Variants in TBC1D9B observed in about 807,000 individuals in gnomAD.
The protein encoded by TBC1D9B is TBC1 domain family member 9B.
TBC1D9B carries 87 observed loss-of-function variants against 121.1 expected under a neutral mutation model. The ratio of observed to expected loss-of-function variants is 0.72; its 90% CI spans 0.60 to 0.86. The LOEUF (loss-of-function observed/expected upper bound fraction) is 0.86, where lower values mean the gene tolerates loss of function less well. TBC1D9B is among the 40% of genes least tolerant of loss of function. TBC1D9B has a pLI of 0.00. For missense variants in TBC1D9B, 1,540 were observed against 1,628.6 expected (o/e 0.95, Z 0.94); for synonymous variants, 668 against 670.1 (o/e 1.00, Z 0.05).
At chr5:179,893,586 G>A in intron 4 of TBC1D9B, 119 bp from the exon 5 acceptor site, 10 of 1,365,124 alleles carry the variant, frequency 7.3e-6, no homozygotes, top group Non-Finnish European at 9.8e-6. Flanking sequence ...CACTTCCTGT[G>A]TGCCCAGGCC....
Position 179,881,444 on chromosome 5 carries a change from C to T in TBC1D9B, c.1255-1655G>A, listed in dbSNP as rs140913371. 2.6e-3 allele frequency among the ~76,000 whole-genome samples: 402 copies of T among 152,298 alleles called. 1 individual carries two copies. The highest frequency in any genetic ancestry group is 9.0e-3 in the African/African-American group (376 of 41,556). On this transcript the variant is annotated intron_variant, in intron 7 of 20. Transcript: ENST00000355235. ...CATCCCCTGCCTTCTCTGCAGGAGTCGCTCTCCCAGCACAGAACTGCACTG... is the reference window on the plus strand; with the variant it reads ...CATCCCCTGCCTTCTCTGCAGGAGTTGCTCTCCCAGCACAGAACTGCACTG...
At chr5:179,892,998 G>T (rs564523854) in intron 5 of TBC1D9B, among the ~76,000 whole-genome samples, 1 of 152,362 alleles carries the variant, frequency 6.6e-6, no homozygotes, top group East Asian at 1.9e-4. Flanking sequence ...CCCCATTAGT[G>T]GTATCCTCAG....
intron 8 of TBC1D9B, 132 bp from the exon 9 acceptor site, chr5:179,879,329 G>A (rs1004304057): frequency 2.6e-5 from 37 of 1,396,536 alleles, no homozygotes; most frequent in African/African-American, 1.0e-4. Context: ...CGCAATTCCC[G>A]GGAAAGACCA....
intron 10 of TBC1D9B, among the ~76,000 whole-genome samples, 171 bp from the exon 11 acceptor site, chr5:179,876,208 C>T (rs1454070869): frequency 6.6e-6 from 1 of 152,142 alleles, no homozygotes; most frequent in Non-Finnish European, 1.5e-5. Context: ...TAATGGCCTC[C>T]TCCTACAAGC....
In TBC1D9B at chr5:179,875,100, A is replaced by C; in HGVS notation, c.1988T>G (p.Ile663Ser). Residue 663 changes from isoleucine to serine, a missense_variant, in exon 12 of 21, where the codon ATC becomes AGC. Physicochemically the swap from Ile to Ser is moderately radical, Grantham distance 142 (BLOSUM62 -2). Transcript: ENST00000355235. This position sits in a 1 kb window ranked among gnomAD's most constrained non-coding sequence, Gnocchi z 4.5. ...LSEKMQDLGV[I>S]SSISLSWFLT... The stretch of plus-strand genomic sequence containing the variant: ...GAACCAGGACAGCGAGATGCTGGAG[A>C]TCACCCCCAGGTCCTGCATCTTCTC... The C allele has an allele frequency of 6.2e-7, 1 of 1,614,028 alleles. No homozygotes were observed. Among genetic ancestry groups the C allele is most frequent in the Non-Finnish European group, 8.5e-7 (1 of 1,180,020 alleles).
chr5:179,870,242 T>C lies in TBC1D9B; in HGVS notation c.2725+13A>G. ...GGAGGGTCAAGCCCCTGGTAGGCCC[T>C]GCAGGCACTCACTCATCCCTGTCAC... On this transcript the variant is annotated intron_variant, in intron 16 of 20. Coordinates refer to ENST00000355235, the MANE Select transcript of TBC1D9B (RefSeq NM_015043.4). 1.2e-6 allele frequency: 2 copies of C among 1,613,616 alleles called. No individual in the cohort carries two copies. Among genetic ancestry groups the C allele is most frequent in the South Asian group, 1.1e-5 (1 of 91,070 alleles).
chr5:179,894,350 G>C lies in TBC1D9B; in HGVS notation c.577+36C>G, dbSNP rs575640868. ...GGCCGAAGGCAGGGAGGGGCTGAGG[G>C]TGTGGGGGCTGGGGCACACTGAGGG... On this transcript the variant is annotated intron_variant, in intron 4 of 20. Coordinates refer to ENST00000355235, the MANE Select transcript of TBC1D9B (RefSeq NM_015043.4). The C allele has an allele frequency of 1.2e-4, 192 of 1,566,336 alleles. 1 individual carries two copies. The South Asian group carries it at 2.1e-3, about 17-fold the overall frequency.
intron 3 of TBC1D9B, among the ~76,000 whole-genome samples, chr5:179,895,670 G>T (rs528808801): frequency 5.8e-4 from 88 of 152,306 alleles, no homozygotes; most frequent in African/African-American, 2.0e-3. Flanking sequence ...TGTACACATT[G>T]ATTTTCTAGA....
chr5:179,897,418 T>A (rs918712428), intron 3 of TBC1D9B, among the ~76,000 whole-genome samples: 1 of 151,772 alleles, frequency 6.6e-6, no homozygotes, highest in Admixed American at 6.6e-5. Flanking sequence ...GTCCAAGTGA[T>A]TCTCCTGCCT....
Position 179,904,796 on chromosome 5 carries a change from G to A in TBC1D9B, c.135C>T (p.Thr45=), listed in dbSNP as rs764466274. The A allele has an allele frequency of 3.8e-6, 6 of 1,564,752 alleles. No homozygotes were observed. Among genetic ancestry groups the A allele is most frequent in the Admixed American group, 3.8e-5 (2 of 52,192 alleles). Residue 45 remains threonine, a synonymous_variant, in exon 2 of 21, where the codon ACC becomes ACT. Coordinates refer to ENST00000355235, the MANE Select transcript of TBC1D9B (RefSeq NM_015043.4). This position sits in a 1 kb window ranked among gnomAD's most constrained non-coding sequence, Gnocchi z 4.2. ...CACTGGAGTCCAGCACCACGTCCAG[G>A]GTGCCCACGAGAAGACCTGGGAACA... ...GGGLTGLLVG[T]LDVVLDSSAR... is the part of the protein sequence containing the mutation.
chr5:179,904,742 G>C lies in TBC1D9B; in HGVS notation c.189C>G (p.His63Gln). 6.3e-7 allele frequency: 1 copy of C among 1,579,928 alleles called. No individual in the cohort carries two copies. The highest frequency in any genetic ancestry group is 8.6e-7 in the Non-Finnish European group (1 of 1,163,138). The stretch of plus-strand genomic sequence containing the variant: ...AGTAGACCTGGGAGTCCTGGGTCTG[G>C]TGCAGGATGCGGTAAGGGGCCACGC... ...SARVAPYRIL[H>Q]QTQDSQVYWT... The change falls in exon 2 of 21, where the codon CAC (histidine) becomes CAG (glutamine). Residue 63 changes from histidine (H) to glutamine (Q), a missense_variant. By Grantham distance (24) the His-to-Gln change is conservative (BLOSUM62 0). Coordinates refer to ENST00000355235, the MANE Select transcript of TBC1D9B (RefSeq NM_015043.4). This position sits in a 1 kb window ranked among gnomAD's most constrained non-coding sequence, Gnocchi z 4.2.
intron 3 of TBC1D9B, among the ~76,000 whole-genome samples, chr5:179,897,488 T>C (rs1423972911): frequency 6.6e-6 from 1 of 152,048 alleles, no homozygotes; most frequent in Non-Finnish European, 1.5e-5. Context: ...CAGCTACTTT[T>C]TAAATATTTT....
At chr5:179,884,911 A>G (rs1018282640) in intron 7 of TBC1D9B, among the ~76,000 whole-genome samples, 2 of 152,198 alleles carry the variant, frequency 1.3e-5, no homozygotes, top group Non-Finnish European at 1.5e-5. Context: ...CAAAACTGAA[A>G]AAGTTCTGTG....
intron 1 of TBC1D9B, among the ~76,000 whole-genome samples, chr5:179,905,983 G>A (rs1036477218): frequency 9.9e-5 from 15 of 152,216 alleles, no homozygotes; most frequent in African/African-American, 3.1e-4. Flanking sequence ...GGGTTCAAGC[G>A]ATTCTCGTGC....
intron 2 of TBC1D9B, among the ~76,000 whole-genome samples, chr5:179,900,242 G>A (rs1761130449): frequency 6.6e-6 from 1 of 152,144 alleles, no homozygotes; most frequent in African/African-American, 2.4e-5. Context: ...AAGGCAGCAC[G>A]ATGCCACTTT....
chr5:179,868,753 C>G (rs1253984473), intron 17 of TBC1D9B: 4 of 152,400 alleles, frequency 2.6e-5, no homozygotes, highest in Non-Finnish European at 4.4e-5. Flanking sequence ...GGTTGCGGAT[C>G]GCATGGTCCT....
At chr5:179,877,282 C>A (rs1200080837) in intron 10 of TBC1D9B, among the ~76,000 whole-genome samples, 3 of 151,768 alleles carry the variant, frequency 2.0e-5, no homozygotes, top group African/African-American at 7.2e-5. Flanking sequence ...CGGAAGATCC[C>A]CTGGTCCAAG....
In TBC1D9B at chr5:179,904,694, G is replaced by A. The variant is rs545269742; in HGVS notation, c.229+8C>T. On this transcript the variant is annotated splice_region_variant and intron_variant, in intron 2 of 20. Transcript: ENST00000355235. This position sits in a 1 kb window ranked among gnomAD's most constrained non-coding sequence, Gnocchi z 4.2. ...TGCCCAGCACCCCTCACCACTCAGG[G>A]CACCTACCACACGCCACTGTCCAGT... 3.8e-6 allele frequency: 6 copies of A among 1,558,734 alleles called. No homozygotes were observed. The Admixed American group carries it at 9.6e-5, about 25-fold the overall frequency.
Position 179,870,375 on chromosome 5 carries a change from CAA to C in TBC1D9B, c.2603_2604del (p.Phe868CysfsTer100). On this transcript the variant is annotated frameshift_variant, in exon 16 of 21. Transcript: ENST00000355235. LOFTEE classifies it high-confidence loss of function. ...CCACAGGCCCAGGGTGTCAGGCTGG[CAA>C]AGAGTTCCCGGAACTGGCTGGCATC... The part of the protein sequence containing the change: ...RIDASQFREL[F>X]ASLTPWACGS... 6.2e-7 allele frequency: 1 copy of C among 1,613,842 alleles called. No homozygotes were observed. The highest frequency in any genetic ancestry group is 8.5e-7 in the Non-Finnish European group (1 of 1,180,020).
Sources: allele counts gnomAD v4.1 joint callset (sites outside exome capture counted in the v4.1 genomes callset), GRCh38; gene constraint gnomAD v4.1.1; non-coding constraint Gnocchi (gnomAD v3.1); transcripts MANE v1.5; gene names NCBI Gene and HGNC (gene_info 2026-07-23, HGNC 2026-07-21).